Variants in EPB41L3 observed in about 807,000 individuals in gnomAD.
The protein encoded by EPB41L3 is band 4.1-like protein 3.
In EPB41L3, 57 loss-of-function variants were observed where a neutral mutation model predicts 127.1. The ratio of observed to expected loss-of-function variants is 0.45; its 90% CI spans 0.36 to 0.56. The LOEUF (loss-of-function observed/expected upper bound fraction) is 0.56. Ranked by LOEUF, EPB41L3 falls within the 20% of genes least tolerant of loss-of-function variation. EPB41L3 has a pLI of 0.00. For missense variants in EPB41L3, 1,273 were observed against 1,372.2 expected, an observed-to-expected ratio of 0.93 and a Z score of 1.14; for synonymous variants, 572 against 549.5, an observed-to-expected ratio of 1.04 and a Z score of -0.57.
At chr18:5,558,733 T>C (rs1306295000) in intron 3 of EPB41L3, among the ~76,000 whole-genome samples, 1 of 152,200 alleles carries the variant, frequency 6.6e-6, no homozygotes, top group African/African-American at 2.4e-5. Flanking sequence ...CAGCATCAAA[T>C]ATATTAAGCT....
intron 3 of EPB41L3, among the ~76,000 whole-genome samples, chr18:5,585,765 G>C (rs1342863560): frequency 6.6e-6 from 1 of 152,162 alleles, no homozygotes. Context: ...CTGACCCTCT[G>C]GTGTGGGTTG....
At chr18:5,515,964 T>A (rs1327468161) in intron 1 of EPB41L3, among the ~76,000 whole-genome samples, 2 of 152,174 alleles carry the variant, frequency 1.3e-5, no homozygotes, top group South Asian at 4.1e-4. Flanking sequence ...CAGGAAGTCA[T>A]CATTTCCCTG....
upstream of EPB41L3, among the ~76,000 whole-genome samples, chr18:5,545,171 G>A (rs1340333875): frequency 1.3e-5 from 2 of 152,026 alleles, no homozygotes; most frequent in Non-Finnish European, 2.9e-5. Context: ...TCTAGTCCTC[G>A]TGTTGTACAT....
At chr18:5,467,163 G>T (rs896584360) in intron 3 of EPB41L3, among the ~76,000 whole-genome samples, 1 of 152,124 alleles carries the variant, frequency 6.6e-6, no homozygotes, top group Non-Finnish European at 1.5e-5. Context: ...GAGCTTTGTC[G>T]AGCCTTGAAA....
rs113022020 is a variant in EPB41L3 at position 5,453,157 on chromosome 18, A to G, written c.382-7913T>C. ...CGCCAAGTCTCAGCACTGGACTACAATAAAATGTGTTTGGGTTTTTTTCTT... is the reference window on the plus strand; with the variant it reads ...CGCCAAGTCTCAGCACTGGACTACAGTAAAATGTGTTTGGGTTTTTTTCTT... On this transcript the variant is annotated intron_variant, in intron 3 of 22. Coordinates refer to ENST00000341928, the MANE Select transcript of EPB41L3 (RefSeq NM_012307.5). Among the ~76,000 whole-genome samples the G allele has an allele frequency of 8.7e-3, 1,324 of 152,370 alleles. 10 individuals carry two copies. Among genetic ancestry groups the G allele is most frequent in the Non-Finnish European group, 0.013 (918 of 68,036 alleles).
intron 20 of EPB41L3, 144 bp downstream of exon 20, chr18:5,395,464 TA>T: frequency 1.4e-6 from 1 of 731,904 alleles, no homozygotes; most frequent in Non-Finnish European, 2.4e-6. Flanking sequence ...CTAGGGGCTG[TA>T]AAAGCTCCCC....
rs754937234 is a variant in EPB41L3, at chr18:5,395,107, C to T, written c.3113G>A (p.Arg1038Gln). The T allele has an allele frequency of 5.0e-6, 8 of 1,614,124 alleles. No individual in the cohort carries two copies. Among genetic ancestry groups the T allele is most frequent in the East Asian group, 2.2e-5 (1 of 44,872 alleles). Reference sequence around the variant, plus strand: ...GTCTGCATCCCCCGTGATGACTATTCGCTTCTCAATTCTTGTCTCTGAAAT... The same window carrying T: ...GTCTGCATCCCCCGTGATGACTATTTGCTTCTCAATTCTTGTCTCTGAAAT... ...GGISETRIEK[R>Q]IVITGDADID... is the part of the protein sequence containing the mutation. The change falls in exon 21 of 23, where the codon CGA becomes CAA. Residue 1038 changes from arginine to glutamine, a missense_variant. Transcript: ENST00000341928.
intron 3 of EPB41L3, among the ~76,000 whole-genome samples, chr18:5,582,105 T>C (rs555356370): frequency 6.6e-6 from 1 of 152,316 alleles, no homozygotes; most frequent in East Asian, 1.9e-4. Flanking sequence ...ACTAGAAACA[T>C]TTGTTTTATG....
In EPB41L3 at chr18:5,543,092, G is replaced by T. The variant is rs1048255707; in HGVS notation, c.-12+821C>A. Among the ~76,000 whole-genome samples, 1 of 151,728 alleles carries T rather than the reference G, an allele frequency of 6.6e-6. No individual in the cohort carries two copies. Among genetic ancestry groups the T allele is most frequent in the African/African-American group, 2.4e-5 (1 of 41,476 alleles). ...GCGCCGCCCCGAGCCCCCGGGCCACGGCAGGCCGACCCAGGCGCCCCCGGC... is the reference window on the plus strand; with the variant it reads ...GCGCCGCCCCGAGCCCCCGGGCCACTGCAGGCCGACCCAGGCGCCCCCGGC... On this transcript the variant is annotated intron_variant, in intron 1 of 22. Transcript: ENST00000341928. The surrounding 1 kb of genome is among the most constrained non-coding windows in gnomAD (Gnocchi z 5.2).
intron 1 of EPB41L3, among the ~76,000 whole-genome samples, chr18:5,519,130 C>T (rs936010464): frequency 1.3e-5 from 2 of 152,154 alleles, no homozygotes. Flanking sequence ...GAGAAGAAAA[C>T]GACGAGTGAA....
chr18:5,619,173 G>A (rs371157489), intron 1 of EPB41L3, among the ~76,000 whole-genome samples: 1 of 152,048 alleles, frequency 6.6e-6, no homozygotes, highest in African/African-American at 2.4e-5. Context: ...GTGGGGGCAG[G>A]GAAGGTGGGG....
chr18:5,622,716 T>C (rs78209291), intron 1 of EPB41L3, among the ~76,000 whole-genome samples: 3,132 of 152,294 alleles, frequency 0.021, 71 homozygotes, highest in East Asian at 0.056. Flanking sequence ...GCTTTTAAAT[T>C]GGACCTCTAG....
chr18:5,574,477 G>GT (rs140562670), intron 3 of EPB41L3, among the ~76,000 whole-genome samples: 23 of 147,260 alleles, frequency 1.6e-4, no homozygotes, highest in Middle Eastern at 3.5e-3. Context: ...AGTAGAATCA[G>GT]TTTTTTTTTA....
Position 5,410,476 on chromosome 18 carries a change from C to T in EPB41L3, c.2121+90G>A. 7 of 895,914 alleles carry T rather than the reference C, an allele frequency of 7.8e-6. 1 individual carries two copies. In the South Asian group the frequency reaches 9.5e-5, roughly 12 times the overall value. 55.5% of individuals were successfully genotyped at this position (895,914 alleles called of 1,614,324 possible). A position where few individuals can be genotyped will look rare whatever the true frequency, so the allele number is the denominator to read the frequency against. ...AAGTTAGAACTGATCTCCATTACAA[C>T]AGCTCATATGTGGAGTTCTTAAACA... is the stretch of plus-strand genomic sequence containing the variant. On this transcript the variant is annotated intron_variant, in intron 14 of 22. Coordinates refer to ENST00000341928, the MANE Select transcript of EPB41L3 (RefSeq NM_012307.5).
At chr18:5,597,619 TATA>T (rs1396246040) in intron 3 of EPB41L3, among the ~76,000 whole-genome samples, 1 of 152,188 alleles carries the variant, frequency 6.6e-6, no homozygotes, top group Non-Finnish European at 1.5e-5. Flanking sequence ...TCTATTTTGT[TATA>T]ATAACCACTA....
intron 1 of EPB41L3, among the ~76,000 whole-genome samples, chr18:5,540,964 A>G (rs929176883): frequency 3.3e-5 from 5 of 151,812 alleles, no homozygotes; most frequent in African/African-American, 9.7e-5. Flanking sequence ...GGGCGCCTGT[A>G]GTCCCAGCTA....
At position 5,393,134 on chromosome 18, in the gene EPB41L3, G is replaced by C; in HGVS notation, c.*351C>G. Reference sequence around the variant, plus strand: ...ACTTTAATAATAATAAACTATGAAAGGCATGAATTGTTTATGTGTTACATG... The same window carrying C: ...ACTTTAATAATAATAAACTATGAAACGCATGAATTGTTTATGTGTTACATG... On this transcript the variant is annotated 3_prime_UTR_variant, in exon 23 of 23. Coordinates refer to ENST00000341928, the MANE Select transcript of EPB41L3 (RefSeq NM_012307.5). The C allele has an allele frequency of 4.1e-6, 1 of 245,202 alleles. No individual in the cohort carries two copies. The highest frequency in any genetic ancestry group is 7.7e-6 in the Non-Finnish European group (1 of 129,624). The allele number at this position is 245,202 out of a possible 1,614,324, so 15.2% of individuals were successfully genotyped here.
intron 12 of EPB41L3, among the ~76,000 whole-genome samples, chr18:5,417,953 T>A (rs1320809051): frequency 2.0e-5 from 3 of 152,188 alleles, no homozygotes; most frequent in Non-Finnish European, 4.4e-5. Context: ...ACGTGCCTCC[T>A]TCCCAGGCAA....
intron 19 of EPB41L3, 117 bp from the exon 20 acceptor site, chr18:5,395,824 T>C: frequency 1.3e-6 from 1 of 780,890 alleles, no homozygotes. Context: ...GCAATCATTA[T>C]GCTCTTCAGA....
Sources: allele counts gnomAD v4.1 joint callset (sites outside exome capture counted in the v4.1 genomes callset), GRCh38; gene constraint gnomAD v4.1.1; non-coding constraint Gnocchi (gnomAD v3.1); transcripts MANE v1.5; gene names NCBI Gene and HGNC (gene_info 2026-07-23, HGNC 2026-07-21).